The following MON1A variants were observed in gnomAD, a reference collection of about 807,000 sequenced individuals.
MON1A encodes the protein MON1 vesicular trafficking associated A.
In MON1A, 29 loss-of-function variants were observed where a neutral mutation model predicts 44.6. That is an observed-to-expected ratio of 0.65 (90% confidence interval 0.48 to 0.89). The LOEUF is 0.89. MON1A is among the 40% of genes least tolerant of loss of function. The probability of loss-of-function intolerance (pLI) is 0.00; values close to 1 mark genes in which losing one functional copy is unlikely to be tolerated. For missense variants in MON1A, 615 were observed against 759.6 expected, an observed-to-expected ratio of 0.81 and a Z score of 2.24; for synonymous variants, 275 against 316.4, an observed-to-expected ratio of 0.87 and a Z score of 1.39.
Position 49,910,080 on chromosome 3 carries a change from C to T in MON1A, c.1379+39G>A. ...AACAGCCTCCCGACTCCACATGTCC[C>T]TGTCCCGCTACAGCAGTGCCCTCAA... On this transcript the variant is annotated intron_variant, in intron 4 of 5. Transcript: ENST00000296473. This position sits in a 1 kb window ranked among gnomAD's most constrained non-coding sequence, Gnocchi z 8.0. 6.5e-7 allele frequency: 1 copy of T among 1,537,822 alleles called. No individual in the cohort carries two copies. The highest frequency in any genetic ancestry group is 8.8e-7 in the Non-Finnish European group (1 of 1,142,094).
chr3:49,912,725 T>C (rs1457610697), intron 2 of MON1A: 1 of 251,342 alleles, frequency 4.0e-6, no homozygotes, highest in East Asian at 1.0e-4. Context: ...TCTTCCTTTA[T>C]TGATTTTTTG....
intron 1 of MON1A, among the ~76,000 whole-genome samples, chr3:49,923,338 A>G (rs1453068764): frequency 8.4e-5 from 10 of 119,056 alleles, no homozygotes; most frequent in South Asian, 3.4e-4. Flanking sequence ...GGAGGGAAGG[A>G]AGGGAGGGAG....
Position 49,911,221 on chromosome 3 carries a change from G to GATAGATAGATGATAGATAC in MON1A, c.613+304_613+305insGTATCTATCATCTATCTAT, listed in dbSNP as rs1553630683. On this transcript the variant is annotated intron_variant, in intron 3 of 5. Coordinates refer to ENST00000296473, the MANE Select transcript of MON1A (RefSeq NM_032355.4). The surrounding 1 kb of genome is among the most constrained non-coding windows in gnomAD (Gnocchi z 5.7). ...AGATAGATAGATAGATAGATAGATA[G>GATAGATAGATGATAGATAC]ATAGATAGATAGATAGATAGATAGA... Among the ~76,000 whole-genome samples the GATAGATAGATGATAGATAC allele has an allele frequency of 9.0e-3, 1,367 of 151,152 alleles. 12 individuals are homozygous for GATAGATAGATGATAGATAC. The highest frequency in any genetic ancestry group is 0.013 in the Non-Finnish European group (864 of 67,784).
intron 1 of MON1A, among the ~76,000 whole-genome samples, chr3:49,915,573 T>C (rs2082936283): frequency 6.6e-6 from 1 of 152,178 alleles, no homozygotes; most frequent in African/African-American, 2.4e-5. Flanking sequence ...ATTAACTAAG[T>C]TGACCAATAG....
chr3:49,928,542 G>A (rs145784264), intron 1 of MON1A, among the ~76,000 whole-genome samples: 2 of 152,268 alleles, frequency 1.3e-5, no homozygotes, highest in Non-Finnish European at 2.9e-5. Flanking sequence ...ATCAGCCCTT[G>A]TAGTGTGCCT....
rs2083078976 is a variant in MON1A at position 49,929,755 on chromosome 3, A to G, written c.-160T>C. 1 of 1,549,692 alleles carries G rather than the reference A, an allele frequency of 6.5e-7. No homozygotes were observed. On this transcript the variant is annotated 5_prime_UTR_variant, in exon 1 of 6. Transcript: ENST00000296473. ...GCCCCCTGCGTACACAGACATGGCC[A>G]CAGCGCAGGCACCGCTCCCTCCCAC...
At chr3:49,912,099 G>C in intron 2 of MON1A, 88 bp from the exon 3 acceptor site, 1 of 1,450,604 alleles carries the variant, frequency 6.9e-7, no homozygotes, top group East Asian at 2.3e-5. Context: ...ACTCCAGCAT[G>C]ACTGCCTGTC....
rs557026719 is a variant in MON1A, at chr3:49,920,849, A to C, written c.-13-7490T>G. 3.0e-4 allele frequency among the ~76,000 whole-genome samples: 44 copies of C among 145,644 alleles called. 1 individual carries two copies. The highest frequency in any genetic ancestry group is 2.7e-3 in the Admixed American group (39 of 14,498). The stretch of plus-strand genomic sequence containing the variant: ...CCAGATTCTGCATCAAAAAAAAAAA[A>C]GGTCATCTCCTTAAAAAGTTGCTCC... On this transcript the variant is annotated intron_variant, in intron 1 of 5. Transcript: ENST00000296473.
At chr3:49,918,315 C>T (rs2082965854) in intron 1 of MON1A, among the ~76,000 whole-genome samples, 2 of 150,714 alleles carry the variant, frequency 1.3e-5, no homozygotes, top group South Asian at 4.2e-4. Context: ...CCAGCCTGGG[C>T]AACAAGAGCG....
Position 49,911,989 on chromosome 3 carries a change from C to T in MON1A, c.150G>A (p.Met50Ile). 2.5e-6 allele frequency: 4 copies of T among 1,598,774 alleles called. No individual in the cohort carries two copies. The highest frequency in any genetic ancestry group is 3.4e-6 in the Non-Finnish European group (4 of 1,170,638). Residue 50 changes from methionine to isoleucine, a missense_variant, in exon 3 of 6, where the codon ATG (methionine) becomes ATA (isoleucine). Met to Ile is a conservative substitution (Grantham distance 10). Transcript: ENST00000296473. This position sits in a 1 kb window ranked among gnomAD's most constrained non-coding sequence, Gnocchi z 5.7. Reference protein sequence around the residue: ...MEPGAGQEGAMFVHARSYEDL... With the variant: ...MEPGAGQEGAIFVHARSYEDL... ...CCTCGTAGGAACGGGCATGGACGAA[C>T]ATGGCACCCTCCTGGCCCGCACCTG...
intron 1 of MON1A, among the ~76,000 whole-genome samples, chr3:49,926,889 G>A (rs1395624501): frequency 4.0e-5 from 6 of 151,082 alleles, no homozygotes; most frequent in African/African-American, 1.5e-4. Context: ...AGCAATTCTT[G>A]TGCCTCAGCC....
rs1021166641 is a variant in MON1A at position 49,913,280 on chromosome 3, C to T, written c.67G>A (p.Gly23Arg). The change falls in exon 2 of 6, where the codon GGA becomes AGA. Residue 23 changes from glycine to arginine, a missense_variant. Transcript: ENST00000296473. Reference sequence around the variant, plus strand: ...CTCTCAGCTCTCTCCATACTCTGTCCATCAGAAGGAGTCAATGTGCCATCA... The same window carrying T: ...CTCTCAGCTCTCTCCATACTCTGTCTATCAGAAGGAGTCAATGTGCCATCA... ...CLDGTLTPSD[G>R]QSMERAESPT... 1.2e-6 allele frequency: 2 copies of T among 1,614,156 alleles called. No homozygotes were observed. The highest frequency in any genetic ancestry group is 1.6e-4 in the Middle Eastern group (1 of 6,062).
At chr3:49,914,540 A>ATTTT (rs35967703) in intron 1 of MON1A, among the ~76,000 whole-genome samples, 10 of 85,956 alleles carry the variant, frequency 1.2e-4, no homozygotes, top group East Asian at 2.7e-4. Context: ...CGCCTGCCTA[A>ATTTT]TTTTTTTTTT....
At position 49,910,945 on chromosome 3, in the gene MON1A, C is replaced by T. The variant is rs1052679124; in HGVS notation, c.614-61G>A. 2 of 1,495,042 alleles carry T rather than the reference C, an allele frequency of 1.3e-6. No homozygotes were observed. Among genetic ancestry groups the T allele is most frequent in the East Asian group, 4.6e-5 (2 of 43,848 alleles). 92.6% of individuals were successfully genotyped at this position (1,495,042 alleles called of 1,614,324 possible). ...AGCGGCAGCTCCCTCCGAAAACCGC[C>T]TTCCAGCGCAGCTCTTCGCTTTCCC... is the stretch of plus-strand genomic sequence containing the variant. On this transcript the variant is annotated intron_variant, in intron 3 of 5. Coordinates refer to ENST00000296473, the MANE Select transcript of MON1A (RefSeq NM_032355.4). The surrounding 1 kb of genome is among the most constrained non-coding windows in gnomAD (Gnocchi z 8.0).
In MON1A at chr3:49,909,234, C is replaced by G; in HGVS notation, c.1527+19G>C. ...CCTAGGACCTCCATAAAGCCCAGCC[C>G]ATCCCAGGGCTGCCTTACCCAGGCC... is the stretch of plus-strand genomic sequence containing the variant. On this transcript the variant is annotated intron_variant, in intron 5 of 5. Transcript: ENST00000296473. This position sits in a 1 kb window ranked among gnomAD's most constrained non-coding sequence, Gnocchi z 4.0. The G allele has an allele frequency of 6.2e-7, 1 of 1,613,844 alleles. No homozygotes were observed. Among genetic ancestry groups the G allele is most frequent in the Non-Finnish European group, 8.5e-7 (1 of 1,179,926 alleles).
rs1432248124 is a variant in MON1A at position 49,911,367 on chromosome 3, T to C, written c.613+159A>G. Among the ~76,000 whole-genome samples, 1 of 152,176 alleles carries C rather than the reference T, an allele frequency of 6.6e-6. No homozygotes were observed. The highest frequency in any genetic ancestry group is 2.4e-5 in the African/African-American group (1 of 41,432). ...CCCCATGAGGCCAGCAGTGTTGTTATCTTCTGTTCAGGTGAGGACCTTGAA... is the reference window on the plus strand; with the variant it reads ...CCCCATGAGGCCAGCAGTGTTGTTACCTTCTGTTCAGGTGAGGACCTTGAA... On this transcript the variant is annotated intron_variant, in intron 3 of 5. Transcript: ENST00000296473. The surrounding 1 kb of genome is among the most constrained non-coding windows in gnomAD (Gnocchi z 5.7).
intron 1 of MON1A, among the ~76,000 whole-genome samples, chr3:49,913,658 G>GTTTTTTTTTTTTTTTTTTTTTTTTT (rs1559493127): frequency 1.6e-5 from 2 of 121,520 alleles, no homozygotes; most frequent in African/African-American, 3.2e-5. Flanking sequence ...TTTCCTTCTA[G>GTTTTTTTTTTTTTTTTTTTTTTTTT]TATTTTTTTT....
chr3:49,914,597 G>C (rs2082927367), intron 1 of MON1A, among the ~76,000 whole-genome samples: 1 of 139,302 alleles, frequency 7.2e-6, no homozygotes. Flanking sequence ...ACCCAGTCTG[G>C]AGTGCAGTGG....
At chr3:49,920,292 A>G (rs923140813) in intron 1 of MON1A, among the ~76,000 whole-genome samples, 3 of 152,164 alleles carry the variant, frequency 2.0e-5, no homozygotes, top group African/African-American at 4.8e-5. Flanking sequence ...GACCTCATGG[A>G]CTACTCCTTC....
Sources: gnomAD v4.1 joint callset for allele counts (sites outside exome capture counted in the v4.1 genomes callset) on GRCh38, gnomAD v4.1.1 for gene constraint, Gnocchi (gnomAD v3.1) non-coding constraint, MANE v1.5 for transcripts, NCBI Gene and HGNC (gene_info 2026-07-23, HGNC 2026-07-21) for gene names.